CEP112: variants seen among roughly 807,000 people sequenced by gnomAD.
CEP112 encodes centrosomal protein 112, also known as centrosomal protein of 112 kDa.
A neutral mutation model predicts 153.0 loss-of-function variants in CEP112; 127 were observed. The ratio of observed to expected loss-of-function variants is 0.83; its 90% CI spans 0.72 to 0.96. CEP112 has a LOEUF of 0.96. Ranked by LOEUF, CEP112 falls within the 40% of genes least tolerant of loss-of-function variation. The pLI, the probability that CEP112 is intolerant of heterozygous loss-of-function variation, is 0.00. For missense variants in CEP112, 1,089 were observed against 1,101.2 expected (o/e 0.99, Z 0.16); for synonymous variants, 358 against 374.4 (o/e 0.96, Z 0.51).
intron 21 of CEP112, among the ~76,000 whole-genome samples, chr17:65,822,416 G>A (rs1027744119): frequency 4.6e-5 from 7 of 152,020 alleles, no homozygotes; most frequent in Non-Finnish European, 8.8e-5. Flanking sequence ...ACATTCTCTC[G>A]TATACTGTAA....
In CEP112 at chr17:65,710,387, T is replaced by G. The variant is rs376166381; in HGVS notation, c.2608-21169A>C. ...ATTTTCATATCTTTTTTTCTGTGAT[T>G]TTCTTATTAATTTTTATCCTTTTGT... is the stretch of plus-strand genomic sequence containing the variant. On this transcript the variant is annotated intron_variant, in intron 23 of 26. Coordinates refer to ENST00000535342, the MANE Select transcript of CEP112 (RefSeq NM_001199165.4). 1.7e-4 allele frequency among the ~76,000 whole-genome samples: 26 copies of G among 152,340 alleles called. No homozygotes were observed. In the South Asian group the frequency reaches 5.2e-3, roughly 30 times the overall value.
chr17:65,993,641 T>C (rs1568351110), intron 17 of CEP112, among the ~76,000 whole-genome samples: 2 of 152,178 alleles, frequency 1.3e-5, no homozygotes, highest in Non-Finnish European at 2.9e-5. Flanking sequence ...TATATTCACC[T>C]TGAAACACTA....
At chr17:66,132,976 T>G (rs1217667757) in intron 4 of CEP112, among the ~76,000 whole-genome samples, 2 of 150,202 alleles carry the variant, frequency 1.3e-5, no homozygotes, top group Non-Finnish European at 3.0e-5. Flanking sequence ...GAGGCAGAGG[T>G]TGCAGTGAGC....
intron 4 of CEP112, among the ~76,000 whole-genome samples, chr17:66,150,047 T>C (rs2071128228): frequency 6.7e-6 from 1 of 149,240 alleles, no homozygotes. Context: ...GCGCATGCTA[T>C]CATGCCCAGC....
At chr17:65,899,890 A>C (rs2059785389) in intron 20 of CEP112, among the ~76,000 whole-genome samples, 1 of 152,206 alleles carries the variant, frequency 6.6e-6, no homozygotes, top group African/African-American at 2.4e-5. Context: ...TTTGTTCTGC[A>C]TCAAACTACA....
At chr17:65,951,753 T>A (rs2061844276) in intron 18 of CEP112, among the ~76,000 whole-genome samples, 1 of 54,140 alleles carries the variant, frequency 1.8e-5, no homozygotes, top group African/African-American at 5.0e-5. Context: ...GCCCCCCCCT[T>A]TCTTCCACTT....
intron 20 of CEP112, among the ~76,000 whole-genome samples, chr17:65,891,834 T>C (rs1472624553): frequency 6.6e-6 from 1 of 152,204 alleles, no homozygotes; most frequent in Non-Finnish European, 1.5e-5. Context: ...ACAGGGTCTC[T>C]GCACCAATTG....
intron 20 of CEP112, among the ~76,000 whole-genome samples, chr17:65,900,757 T>A (rs1348514133): frequency 6.6e-6 from 1 of 152,186 alleles, no homozygotes; most frequent in African/African-American, 2.4e-5. Context: ...ATAAATTGAA[T>A]GGCTAAGAGT....
At chr17:65,994,010 G>T (rs2063690935) in intron 17 of CEP112, among the ~76,000 whole-genome samples, 1 of 34,586 alleles carries the variant, frequency 2.9e-5, no homozygotes, top group Non-Finnish European at 5.7e-5. Context: ...ATAAACTTCG[G>T]TTCATAGGAA....
At chr17:65,876,383 T>C (rs1248400459) in intron 20 of CEP112, among the ~76,000 whole-genome samples, 2 of 152,360 alleles carry the variant, frequency 1.3e-5, no homozygotes, top group Non-Finnish European at 2.9e-5. Context: ...TTCCTTTTCA[T>C]AGTTCTAATA....
chr17:65,831,390 T>C (rs1441054895), intron 21 of CEP112, among the ~76,000 whole-genome samples: 1 of 151,960 alleles, frequency 6.6e-6, no homozygotes, highest in Non-Finnish European at 1.5e-5. Context: ...ACCCCGTCTC[T>C]ACTAAAAATA....
chr17:66,187,829 T>A (rs2072995268), intron 1 of CEP112, among the ~76,000 whole-genome samples: 2 of 152,196 alleles, frequency 1.3e-5, no homozygotes, highest in African/African-American at 4.8e-5. Flanking sequence ...ATTATCTAGA[T>A]TTATATGTCC....
intron 21 of CEP112, among the ~76,000 whole-genome samples, chr17:65,844,739 G>A (rs1287587629): frequency 1.3e-5 from 2 of 151,644 alleles, no homozygotes; most frequent in Non-Finnish European, 2.9e-5. Context: ...CATCTGGCTG[G>A]GCGTGGTGGC....
chr17:66,144,866 C>A (rs1568543815), intron 4 of CEP112, among the ~76,000 whole-genome samples: 1 of 152,064 alleles, frequency 6.6e-6, no homozygotes, highest in Non-Finnish European at 1.5e-5. Context: ...CATATGTTTT[C>A]ATTTCTCTTT....
At chr17:65,906,544 A>G (rs1324532736) in intron 19 of CEP112, among the ~76,000 whole-genome samples, 1 of 152,190 alleles carries the variant, frequency 6.6e-6, no homozygotes, top group Non-Finnish European at 1.5e-5. Context: ...TATAAATAAT[A>G]AGGCAAAATG....
intron 20 of CEP112, among the ~76,000 whole-genome samples, chr17:65,888,887 C>A (rs536395793): frequency 6.6e-6 from 1 of 152,100 alleles, no homozygotes; most frequent in East Asian, 1.9e-4. Context: ...TATGTTCTCC[C>A]GCTGATCAGC....
chr17:65,729,632 C>T (rs552669775), intron 23 of CEP112, among the ~76,000 whole-genome samples: 1 of 152,224 alleles, frequency 6.6e-6, no homozygotes, highest in East Asian at 1.9e-4. Context: ...AATTAAAAAA[C>T]TAAAATTATC....
intron 8 of CEP112, among the ~76,000 whole-genome samples, chr17:66,086,386 T>C (rs947440242): frequency 8.0e-4 from 1 of 1,244 alleles, no homozygotes; most frequent in Non-Finnish European, 1.6e-3. Flanking sequence ...TTTTCTTTTT[T>C]TTTTTTTTTT....
intron 18 of CEP112, among the ~76,000 whole-genome samples, chr17:65,942,568 G>T (rs1331566231): frequency 1.3e-5 from 2 of 152,194 alleles, no homozygotes; most frequent in African/African-American, 4.8e-5. Flanking sequence ...AAAGACTGAA[G>T]GGCAAAGGGT....
Sources: gnomAD v4.1 joint callset for allele counts (sites outside exome capture counted in the v4.1 genomes callset) on GRCh38, gnomAD v4.1.1 for gene constraint, MANE v1.5 for transcripts, NCBI Gene and HGNC (gene_info 2026-07-23, HGNC 2026-07-21) for gene names.